The following MEIKIN variants were observed in gnomAD, a reference collection of about 807,000 sequenced individuals.
MEIKIN encodes the protein meiotic kinetochore factor, also known as meiosis-specific kinetochore protein.
At chr5:131,899,048 A>G (rs1471444907) in intron 8 of MEIKIN, among the ~76,000 whole-genome samples, 1 of 152,186 alleles carries the variant, frequency 6.6e-6, no homozygotes, top group Non-Finnish European at 1.5e-5. Context: ...GTTCCTGTTC[A>G]GCCATCTTGG....
chr5:131,852,599 A>C (rs1179275299), intron 10 of MEIKIN, among the ~76,000 whole-genome samples: 27 of 152,184 alleles, frequency 1.8e-4, no homozygotes, highest in Non-Finnish European at 1.3e-4. Flanking sequence ...TTTATATGAA[A>C]TACTCAGAAA....
At chr5:131,861,086 T>C (rs1227940701) in intron 9 of MEIKIN, among the ~76,000 whole-genome samples, 7 of 151,916 alleles carry the variant, frequency 4.6e-5, no homozygotes, top group Non-Finnish European at 7.4e-5. Context: ...ATGGAGTCTT[T>C]TGGTTTTCTA....
intron 12 of MEIKIN, among the ~76,000 whole-genome samples, chr5:131,807,990 C>T (rs1772877224): frequency 6.6e-6 from 1 of 152,226 alleles, no homozygotes; most frequent in Admixed American, 6.5e-5. Context: ...GAGAACCAGA[C>T]ACCTGTATCT....
At chr5:131,934,077 G>A (rs1452273510) in intron 4 of MEIKIN, among the ~76,000 whole-genome samples, 1 of 151,582 alleles carries the variant, frequency 6.6e-6, no homozygotes, top group Admixed American at 6.6e-5. Context: ...TCAGCCTCCC[G>A]AGTAGCTGGG....
At position 131,940,968 on chromosome 5, in the gene MEIKIN, C is replaced by G. The variant is rs139341058; in HGVS notation, c.349+1667G>C. ...CAGCCCCAACATTGACCCTTAAGAGCCAGCCCCCCCGATAGTTCACTTTGC... is the reference window on the plus strand; with the variant it reads ...CAGCCCCAACATTGACCCTTAAGAGGCAGCCCCCCCGATAGTTCACTTTGC... On this transcript the variant is annotated intron_variant, in intron 4 of 12. Coordinates refer to ENST00000442687, the MANE Select transcript of MEIKIN (RefSeq NM_001303622.2). Among the ~76,000 whole-genome samples, 720 of 152,084 alleles carry G rather than the reference C, an allele frequency of 4.7e-3. 4 individuals carry two copies. The highest frequency in any genetic ancestry group is 0.016 in the African/African-American group (683 of 41,462).
chr5:131,854,422 G>C (rs1324199436), intron 10 of MEIKIN, among the ~76,000 whole-genome samples: 1 of 152,074 alleles, frequency 6.6e-6, no homozygotes, highest in African/African-American at 2.4e-5. Flanking sequence ...AGTGGTGATG[G>C]TTGCATAATG....
At chr5:131,847,607 CCT>C (rs1361718614) in intron 11 of MEIKIN, among the ~76,000 whole-genome samples, 2 of 152,068 alleles carry the variant, frequency 1.3e-5, no homozygotes, top group South Asian at 2.1e-4. Flanking sequence ...GACTTCAATA[CCT>C]CTCTCTCAAT....
At chr5:131,903,917 A>G (rs1751200948) in intron 8 of MEIKIN, among the ~76,000 whole-genome samples, 1 of 152,092 alleles carries the variant, frequency 6.6e-6, no homozygotes, top group Admixed American at 6.6e-5. Context: ...TGACACTCAC[A>G]CACTCAAAGT....
intron 8 of MEIKIN, among the ~76,000 whole-genome samples, chr5:131,892,076 A>C (rs544691376): frequency 1.3e-5 from 2 of 151,758 alleles, no homozygotes; most frequent in African/African-American, 4.9e-5. Context: ...AGTTTCTGCC[A>C]AGAGATCAGC....
At chr5:131,821,979 GGTGCACAT>G (rs1749516090) in intron 11 of MEIKIN, among the ~76,000 whole-genome samples, 1 of 152,014 alleles carries the variant, frequency 6.6e-6, no homozygotes, top group Non-Finnish European at 1.5e-5. Context: ...TCCAGTGTTA[GGTGCACAT>G]GTATTCACAA....
At chr5:131,902,416 G>C (rs1328344556) in intron 8 of MEIKIN, among the ~76,000 whole-genome samples, 1 of 151,948 alleles carries the variant, frequency 6.6e-6, no homozygotes, top group Non-Finnish European at 1.5e-5. Flanking sequence ...CTGGGTGACA[G>C]AGTGAGATCT....
At chr5:131,820,072 G>GC (rs1267733001) in intron 11 of MEIKIN, among the ~76,000 whole-genome samples, 1 of 78,056 alleles carries the variant, frequency 1.3e-5, no homozygotes, top group African/African-American at 5.6e-5. Context: ...ACCGCGCCCG[G>GC]CCTTTTTTTT....
chr5:131,895,493 AT>A (rs1031076725), intron 8 of MEIKIN, among the ~76,000 whole-genome samples: 3 of 152,176 alleles, frequency 2.0e-5, no homozygotes, highest in African/African-American at 7.2e-5. Context: ...CTCTGGTAGA[AT>A]TCAACTGGGA....
chr5:131,838,096 T>C (rs544785849), intron 11 of MEIKIN, among the ~76,000 whole-genome samples: 1 of 152,202 alleles, frequency 6.6e-6, no homozygotes, highest in Non-Finnish European at 1.5e-5. Flanking sequence ...AAACCTCTTC[T>C]GCATCTATTG....
chr5:131,872,988 C>A lies in MEIKIN; in HGVS notation c.774+5990G>T, dbSNP rs530251813. Among the ~76,000 whole-genome samples the A allele has an allele frequency of 3.7e-3, 566 of 152,230 alleles. 1 individual carries two copies. Among genetic ancestry groups the A allele is most frequent in the African/African-American group, 0.013 (536 of 41,514 alleles). Reference sequence around the variant, plus strand: ...CCACCAGGCCTGCCCTAAAAGAGCTCCTGAAGGAAGCACTAAACATGGAAA... The same window carrying A: ...CCACCAGGCCTGCCCTAAAAGAGCTACTGAAGGAAGCACTAAACATGGAAA... On this transcript the variant is annotated intron_variant, in intron 9 of 12. Coordinates refer to ENST00000442687, the MANE Select transcript of MEIKIN (RefSeq NM_001303622.2).
At chr5:131,939,752 T>G (rs964164085) in intron 4 of MEIKIN, among the ~76,000 whole-genome samples, 1 of 152,192 alleles carries the variant, frequency 6.6e-6, no homozygotes, top group Non-Finnish European at 1.5e-5. Flanking sequence ...GCAAATGAAC[T>G]CTCAGAATAC....
intron 11 of MEIKIN, among the ~76,000 whole-genome samples, chr5:131,827,293 T>G (rs922400633): frequency 1.3e-5 from 2 of 152,128 alleles, no homozygotes; most frequent in African/African-American, 4.8e-5. Flanking sequence ...CCAAAATTGT[T>G]TTTTTCAATG....
At chr5:131,838,700 C>A (rs1416511004) in intron 11 of MEIKIN, among the ~76,000 whole-genome samples, 1 of 152,010 alleles carries the variant, frequency 6.6e-6, no homozygotes, top group East Asian at 1.9e-4. Context: ...GTGTTAATAT[C>A]CCTTTTGTCA....
chr5:131,869,972 T>C (rs935988450), intron 9 of MEIKIN, among the ~76,000 whole-genome samples: 4 of 152,246 alleles, frequency 2.6e-5, no homozygotes, highest in African/African-American at 9.6e-5. Flanking sequence ...TTTCAGTTTT[T>C]TCAGCACTTT....
Sources: gnomAD v4.1 joint callset for allele counts (sites outside exome capture counted in the v4.1 genomes callset) on GRCh38, gnomAD v4.1.1 for gene constraint, MANE v1.5 for transcripts, NCBI Gene and HGNC (gene_info 2026-07-23, HGNC 2026-07-21) for gene names.